TUBGCP3: variants seen among roughly 807,000 people sequenced by gnomAD.
TUBGCP3 encodes the protein tubulin gamma complex component 3, also known as gamma-tubulin complex component 3.
TUBGCP3 carries 50 observed loss-of-function variants against 123.1 expected under a neutral mutation model. That is an observed-to-expected ratio of 0.41 (90% confidence interval 0.32 to 0.51). TUBGCP3 has a LOEUF of 0.51. Ranked by LOEUF, TUBGCP3 falls within the 20% of genes least tolerant of loss-of-function variation. TUBGCP3 has a pLI of 0.36. For synonymous variants in TUBGCP3, 405 were observed against 413.9 expected (o/e 0.98, Z 0.26); for missense variants, 882 against 1,127.0 (o/e 0.78, Z 3.11).
At chr13:112,550,825 G>T (rs896047091) in intron 8 of TUBGCP3, among the ~76,000 whole-genome samples, 1 of 152,196 alleles carries the variant, frequency 6.6e-6, no homozygotes. Flanking sequence ...GCGGCCAGGT[G>T]CGGTGGCTCA....
At chr13:112,549,480 T>C (rs1879369499) in intron 8 of TUBGCP3, among the ~76,000 whole-genome samples, 2 of 115,858 alleles carry the variant, frequency 1.7e-5, no homozygotes, top group Non-Finnish European at 3.4e-5. Context: ...ACTTAAGGTA[T>C]AATAATAAAA....
At chr13:112,560,429 C>CA (rs771690825) in intron 3 of TUBGCP3, among the ~76,000 whole-genome samples, 1,125 of 97,442 alleles carry the variant, frequency 0.012, 3 homozygotes, top group Non-Finnish European at 0.017. Context: ...GACTCCGTCT[C>CA]AAAAAAAAAA....
chr13:112,493,189 A>C (rs1433179439), intron 20 of TUBGCP3, among the ~76,000 whole-genome samples: 1 of 138,176 alleles, frequency 7.2e-6, no homozygotes, highest in African/African-American at 2.9e-5. Flanking sequence ...GGTGTCCCTG[A>C]GACGCTCTAG....
chr13:112,529,229 T>A (rs752201489), intron 11 of TUBGCP3, among the ~76,000 whole-genome samples: 2 of 152,200 alleles, frequency 1.3e-5, no homozygotes, highest in Non-Finnish European at 2.9e-5. Flanking sequence ...GAAGTCTACG[T>A]CTTCTCCTGG....
rs1438346196 is a variant in TUBGCP3 at position 112,511,861 on chromosome 13, A to C, written c.2086+4579T>G. Among the ~76,000 whole-genome samples the C allele has an allele frequency of 1.3e-5, 2 of 152,098 alleles. No homozygotes were observed. Among genetic ancestry groups the C allele is most frequent in the Non-Finnish European group, 2.9e-5 (2 of 68,024 alleles). On this transcript the variant is annotated intron_variant, in intron 17 of 21. Coordinates refer to ENST00000261965, the MANE Select transcript of TUBGCP3 (RefSeq NM_006322.6). This position sits in a 1 kb window ranked among gnomAD's most constrained non-coding sequence, Gnocchi z 4.1. ...TCTACTTGAAAGCTTTCTAATTATA[A>C]GGGACCTGCTGGTTCAGATGTGGCC...
intron 17 of TUBGCP3, among the ~76,000 whole-genome samples, chr13:112,513,984 T>C (rs1875855921): frequency 1.3e-5 from 2 of 152,176 alleles, no homozygotes; most frequent in Non-Finnish European, 1.5e-5. Context: ...ATCAACCCTT[T>C]GTCCAGCAAA....
chr13:112,510,604 G>A (rs557034531), intron 17 of TUBGCP3, among the ~76,000 whole-genome samples: 2 of 152,230 alleles, frequency 1.3e-5, no homozygotes, highest in African/African-American at 4.8e-5. Context: ...TGAACTTGGG[G>A]GCACTCACCA....
chr13:112,526,330 G>A (rs1168171099), intron 13 of TUBGCP3, among the ~76,000 whole-genome samples: 8 of 107,720 alleles, frequency 7.4e-5, no homozygotes, highest in East Asian at 2.8e-4. Flanking sequence ...CATCATCATC[G>A]CTGTCATCAC....
At chr13:112,560,956 G>GT (rs1880467443) in intron 3 of TUBGCP3, among the ~76,000 whole-genome samples, 1 of 152,220 alleles carries the variant, frequency 6.6e-6, no homozygotes, top group Non-Finnish European at 1.5e-5. Context: ...GATGGACCGT[G>GT]TAGAGGGAGG....
At position 112,485,822 on chromosome 13, in the gene TUBGCP3, T is replaced by G. The variant is rs950064717; in HGVS notation, c.*171A>C. ...TTTACAAATGCATTCGACTCCGACA[T>G]GTGAAACACGACGTGGCTTCTCCCA... On this transcript the variant is annotated 3_prime_UTR_variant, in exon 22 of 22. Coordinates refer to ENST00000261965, the MANE Select transcript of TUBGCP3 (RefSeq NM_006322.6). 6 of 721,774 alleles carry G rather than the reference T, an allele frequency of 8.3e-6. No homozygotes were observed. Among genetic ancestry groups the G allele is most frequent in the East Asian group, 5.5e-5 (2 of 36,170 alleles). 44.7% of individuals were successfully genotyped at this position (721,774 alleles called of 1,614,324 possible).
At chr13:112,527,241 G>A in intron 12 of TUBGCP3, 133 bp downstream of exon 12, 1 of 745,082 alleles carries the variant, frequency 1.3e-6, no homozygotes, top group East Asian at 2.6e-5. Flanking sequence ...CAATTAACAT[G>A]CACTTACTTC....
In TUBGCP3 at chr13:112,551,864, T is replaced by C. The variant is rs568669351; in HGVS notation, c.966+2193A>G. On this transcript the variant is annotated intron_variant, in intron 8 of 21. Coordinates refer to ENST00000261965, the MANE Select transcript of TUBGCP3 (RefSeq NM_006322.6). ...GACTGGTTTTGTGGAAGACATTTTT[T>C]CCACGGACCAGGGTGGGATGGGGGG... 7.7e-5 allele frequency among the ~76,000 whole-genome samples: 11 copies of C among 142,686 alleles called. No homozygotes were observed. In the East Asian group the frequency reaches 1.4e-3, roughly 18 times the overall value. The allele number at this position is 142,686 out of a possible 152,430, so 93.6% of individuals were successfully genotyped here. A position where few individuals can be genotyped will look rare whatever the true frequency, so the allele number is the denominator to read the frequency against.
rs902082958 is a variant in TUBGCP3, at chr13:112,551,359, T to C, written c.966+2698A>G. Among the ~76,000 whole-genome samples the C allele has an allele frequency of 4.0e-5, 6 of 149,092 alleles. No individual in the cohort carries two copies. The East Asian group carries it at 1.2e-3, about 30-fold the overall frequency. ...TTACAAAACAGTATCTTCATTCATA[T>C]ATGATTTTGCTCCATTTGGTATGTC... On this transcript the variant is annotated intron_variant, in intron 8 of 21. Transcript: ENST00000261965.
intron 20 of TUBGCP3, among the ~76,000 whole-genome samples, chr13:112,493,917 C>G (rs1004201812): frequency 4.0e-4 from 61 of 151,492 alleles, no homozygotes; most frequent in African/African-American, 1.4e-3. Flanking sequence ...CTGAGACGTT[C>G]TGGCTATGGG....
chr13:112,520,916 A>G (rs766926126), intron 14 of TUBGCP3, among the ~76,000 whole-genome samples: 11 of 152,246 alleles, frequency 7.2e-5, no homozygotes, highest in Non-Finnish European at 1.2e-4. Context: ...AAAGACACAC[A>G]ACGTCAAATA....
At chr13:112,517,662 A>G (rs1386959256) in intron 16 of TUBGCP3, among the ~76,000 whole-genome samples, 1 of 152,146 alleles carries the variant, frequency 6.6e-6, no homozygotes, top group African/African-American at 2.4e-5. Flanking sequence ...GGAGGGAGGC[A>G]GGTGGATCAC....
chr13:112,533,246 C>T (rs1480625031), intron 11 of TUBGCP3, among the ~76,000 whole-genome samples: 3 of 152,246 alleles, frequency 2.0e-5, no homozygotes, highest in Non-Finnish European at 2.9e-5. Flanking sequence ...GAGGGAGACG[C>T]ACCGCGTCAC....
rs183120353 is a variant in TUBGCP3, at chr13:112,533,766, C to A, written c.1336-6282G>T. 8.4e-4 allele frequency among the ~76,000 whole-genome samples: 124 copies of A among 147,934 alleles called. 3 individuals are homozygous for A. The highest frequency in any genetic ancestry group is 3.1e-3 in the African/African-American group (123 of 39,888). The stretch of plus-strand genomic sequence containing the variant: ...TGACTTGATATTCAGTTTGGACACA[C>A]TAGATAAAGCAGAGTTCTTTCTAAG... On this transcript the variant is annotated intron_variant, in intron 11 of 21. Transcript: ENST00000261965.
upstream of TUBGCP3, among the ~76,000 whole-genome samples, chr13:112,591,834 A>G (rs930326440): frequency 1.9e-4 from 29 of 152,238 alleles, no homozygotes; most frequent in Non-Finnish European, 3.2e-4. Flanking sequence ...AGACCACTCA[A>G]TATCGGGATG....
Sources: gnomAD v4.1 joint callset for allele counts (sites outside exome capture counted in the v4.1 genomes callset) on GRCh38, gnomAD v4.1.1 for gene constraint, Gnocchi (gnomAD v3.1) non-coding constraint, MANE v1.5 for transcripts, NCBI Gene and HGNC (gene_info 2026-07-23, HGNC 2026-07-21) for gene names.